ROBO1: variants seen among roughly 807,000 people sequenced by gnomAD.
ROBO1 encodes roundabout guidance receptor 1, also known as roundabout homolog 1.
ROBO1 carries 149 observed loss-of-function variants against 195.9 expected under a neutral mutation model. The observed-to-expected ratio is 0.76, with a 90% CI of 0.67 to 0.87. The LOEUF (loss-of-function observed/expected upper bound fraction) is 0.87. Ranked by LOEUF, ROBO1 falls within the 40% of genes least tolerant of loss-of-function variation. ROBO1 has a pLI of 0.00. For synonymous variants in ROBO1, 816 were observed against 733.2 expected (o/e 1.11, Z -1.82); for missense variants, 1,933 against 2,068.3 (o/e 0.93, Z 1.27).
intron 3 of ROBO1, among the ~76,000 whole-genome samples, chr3:79,000,619 A>G (rs932292356): frequency 9.2e-5 from 14 of 152,192 alleles, no homozygotes; most frequent in African/African-American, 3.4e-4. Flanking sequence ...AAAAGTCAGG[A>G]AAGAACAGAT....
chr3:79,629,935 C>A (rs985795657), intron 1 of ROBO1, among the ~76,000 whole-genome samples: 3 of 151,632 alleles, frequency 2.0e-5, no homozygotes, highest in African/African-American at 7.3e-5. Context: ...AATATTGAAC[C>A]AAGAAGAAAT....
rs112578183 is a variant in ROBO1, at chr3:79,560,641, G to A, written c.88+29183C>T. On this transcript the variant is annotated intron_variant, in intron 2 of 30. Transcript: ENST00000464233. ...CAGTCAATTAGTCATCCGAGACCTA[G>A]TGGCCCCCTCATCTTCACACCGTAG... Among the ~76,000 whole-genome samples, 235 of 149,674 alleles carry A rather than the reference G, an allele frequency of 1.6e-3. 2 individuals are homozygous for A. Among genetic ancestry groups the A allele is most frequent in the African/African-American group, 5.6e-3 (228 of 40,462 alleles).
intron 8 of ROBO1, among the ~76,000 whole-genome samples, chr3:78,712,308 T>C (rs1338819873): frequency 6.6e-6 from 1 of 151,486 alleles, no homozygotes; most frequent in African/African-American, 2.4e-5. Context: ...ACACGGAAAG[T>C]TTTTTAACAA....
intron 1 of ROBO1, among the ~76,000 whole-genome samples, chr3:79,633,946 T>C (rs998520103): frequency 6.6e-6 from 1 of 152,114 alleles, no homozygotes; most frequent in Non-Finnish European, 1.5e-5. Flanking sequence ...AGCTTCTTTG[T>C]TGGGAACTGA....
At chr3:79,042,240 G>A (rs1467814893) in intron 3 of ROBO1, among the ~76,000 whole-genome samples, 1 of 151,738 alleles carries the variant, frequency 6.6e-6, no homozygotes, top group Non-Finnish European at 1.5e-5. Flanking sequence ...AAATATTCTG[G>A]GTACTAGTCT....
At chr3:79,053,448 T>G (rs2078742618) in intron 3 of ROBO1, among the ~76,000 whole-genome samples, 1 of 151,934 alleles carries the variant, frequency 6.6e-6, no homozygotes, top group Non-Finnish European at 1.5e-5. Flanking sequence ...ATATGCTAAT[T>G]CTTCTCTCTT....
At chr3:79,104,354 T>G (rs2079735425) in intron 3 of ROBO1, among the ~76,000 whole-genome samples, 1 of 151,802 alleles carries the variant, frequency 6.6e-6, no homozygotes, top group Admixed American at 6.6e-5. Context: ...TTTCCTGAAA[T>G]AATAAGTCAT....
chr3:78,844,535 CT>C (rs1311594508), intron 4 of ROBO1, among the ~76,000 whole-genome samples: 2 of 151,986 alleles, frequency 1.3e-5, no homozygotes, highest in African/African-American at 4.8e-5. Flanking sequence ...CAATACTAGG[CT>C]TTGTGTTGAC....
intron 1 of ROBO1, among the ~76,000 whole-genome samples, chr3:79,594,153 C>T (rs1560022629): frequency 6.6e-6 from 1 of 151,924 alleles, no homozygotes; most frequent in East Asian, 1.9e-4. Flanking sequence ...TAGGATATAA[C>T]GTTATTAGCA....
rs575243926 is a variant in ROBO1 at position 79,623,400 on chromosome 3, G to A, written c.-50-33439C>T. On this transcript the variant is annotated intron_variant, in intron 1 of 30. Transcript: ENST00000464233. ...GAAGATAGGCAATAAAAAACTATGCGGAGCTAAAGGATCATGTTCTAACAC... is the reference window on the plus strand; with the variant it reads ...GAAGATAGGCAATAAAAAACTATGCAGAGCTAAAGGATCATGTTCTAACAC... 2.1e-3 allele frequency among the ~76,000 whole-genome samples: 319 copies of A among 152,230 alleles called. 1 individual carries two copies. Among genetic ancestry groups the A allele is most frequent in the Non-Finnish European group, 1.4e-3 (92 of 68,004 alleles).
At position 78,621,833 on chromosome 3, in the gene ROBO1, A is replaced by G. The variant is rs534598633; in HGVS notation, c.3876-3792T>C. Among the ~76,000 whole-genome samples the G allele has an allele frequency of 2.2e-4, 34 of 152,322 alleles. No individual in the cohort carries two copies. In the South Asian group the frequency reaches 7.0e-3, roughly 32 times the overall value. ...GCGGAATGATGTCATTAATTTATCA[A>G]AGTAGGTGTTTATACCATTCACCAT... On this transcript the variant is annotated intron_variant, in intron 26 of 30. Transcript: ENST00000464233.
intron 3 of ROBO1, among the ~76,000 whole-genome samples, chr3:79,028,491 G>A (rs1559605258): frequency 6.6e-6 from 1 of 151,836 alleles, no homozygotes; most frequent in Non-Finnish European, 1.5e-5. Flanking sequence ...GTTAGACATT[G>A]AAGTTATTTC....
chr3:79,722,279 A>C (rs907467265), intron 1 of ROBO1, among the ~76,000 whole-genome samples: 10 of 152,216 alleles, frequency 6.6e-5, no homozygotes, highest in African/African-American at 2.4e-4. Context: ...TTGACCTCTC[A>C]TACATCTTTA....
chr3:78,987,114 G>GAAA (rs1227554977), intron 3 of ROBO1, among the ~76,000 whole-genome samples: 1 of 105,772 alleles, frequency 9.5e-6, no homozygotes. Flanking sequence ...TTTCTGGAAG[G>GAAA]AAAAAAAAAA....
chr3:79,084,196 C>G (rs535318849), intron 3 of ROBO1, among the ~76,000 whole-genome samples: 47 of 152,180 alleles, frequency 3.1e-4, no homozygotes, highest in African/African-American at 1.0e-3. Flanking sequence ...TAAGTTTTCT[C>G]ATCTGTTTAA....
intron 8 of ROBO1, among the ~76,000 whole-genome samples, chr3:78,708,099 C>T (rs1270445965): frequency 2.6e-5 from 4 of 152,100 alleles, no homozygotes; most frequent in Non-Finnish European, 5.9e-5. Flanking sequence ...GCTGCTTTAT[C>T]TGTGAAGTTA....
At chr3:79,353,323 A>G (rs2035417700) in intron 2 of ROBO1, among the ~76,000 whole-genome samples, 2 of 152,164 alleles carry the variant, frequency 1.3e-5, no homozygotes, top group African/African-American at 4.8e-5. Flanking sequence ...TAAGGTAGAA[A>G]TATAGAGGAA....
At chr3:79,141,732 ATTC>A (rs1168811334) in intron 2 of ROBO1, among the ~76,000 whole-genome samples, 2 of 151,916 alleles carry the variant, frequency 1.3e-5, no homozygotes, top group Non-Finnish European at 2.9e-5. Context: ...CTTGCACTTG[ATTC>A]TTCTTCTCTT....
chr3:79,689,560 T>C (rs1947239103), intron 1 of ROBO1, among the ~76,000 whole-genome samples: 1 of 151,920 alleles, frequency 6.6e-6, no homozygotes, highest in Non-Finnish European at 1.5e-5. Context: ...CTTTTCCTTA[T>C]GAGGCAAATA....
Sources: gnomAD v4.1 joint callset for allele counts (sites outside exome capture counted in the v4.1 genomes callset) on GRCh38, gnomAD v4.1.1 for gene constraint, MANE v1.5 for transcripts, NCBI Gene and HGNC (gene_info 2026-07-23, HGNC 2026-07-21) for gene names.